LRP5: variants seen among roughly 807,000 people sequenced by gnomAD.
LRP5 encodes LDL receptor related protein 5.
A neutral mutation model predicts 154.1 loss-of-function variants in LRP5; 62 were observed. The observed-to-expected ratio is 0.40, with a 90% CI of 0.33 to 0.50. The LOEUF (loss-of-function observed/expected upper bound fraction) is 0.50. Among genes scored for constraint, LRP5 ranks in the 20% least tolerant of loss-of-function variants. The pLI, the probability that LRP5 is intolerant of heterozygous loss-of-function variation, is 0.55. For missense variants in LRP5, 1,915 were observed against 2,336.7 expected, an observed-to-expected ratio of 0.82 and a Z score of 3.72; for synonymous variants, 966 against 1,011.5, an observed-to-expected ratio of 0.96 and a Z score of 0.85.
At position 68,439,806 on chromosome 11, in the gene LRP5, T is replaced by C. The variant is rs1373088125; in HGVS notation, c.4378T>C (p.Ser1460Pro). 1.9e-6 allele frequency: 3 copies of C among 1,611,746 alleles called. 1 individual carries two copies. The South Asian group carries it at 3.3e-5, about 18-fold the overall frequency. The part of the protein sequence containing the change: ...GIACGKSMMS[S>P]VSLMGGRGGV... ...CGCATGCGGAAAGTCCATGATGAGC[T>C]CCGTGAGCCTGATGGGGGGCCGGGG... Residue 1460 changes from serine to proline, a missense_variant, in exon 21 of 23, where the codon TCC becomes CCC. Transcript: ENST00000294304.
At chr11:68,347,116 C>CAAG (rs2098613713) in intron 1 of LRP5, among the ~76,000 whole-genome samples, 2 of 152,192 alleles carry the variant, frequency 1.3e-5, no homozygotes, top group South Asian at 4.1e-4. Flanking sequence ...GGCCAGAGGC[C>CAAG]AAGGCCTTGG....
At chr11:68,428,000 TTTA>T (rs2098669806) in intron 16 of LRP5, among the ~76,000 whole-genome samples, 2 of 150,946 alleles carry the variant, frequency 1.3e-5, no homozygotes, top group South Asian at 2.1e-4. Flanking sequence ...TATTTATTTA[TTTA>T]TTTATTGAGA....
rs530770391 is a variant in LRP5 at position 68,395,557 on chromosome 11, A to G, written c.1584+5505A>G. ...GGGGTGCCTCACTGCAGGCCTTCTC[A>G]GCGCCCTTTATATGCTTACACAGGC... is the stretch of plus-strand genomic sequence containing the variant. On this transcript the variant is annotated intron_variant, in intron 7 of 22. Transcript: ENST00000294304. 2.0e-5 allele frequency among the ~76,000 whole-genome samples: 3 copies of G among 152,166 alleles called. No individual in the cohort carries two copies. In the South Asian group the frequency reaches 6.2e-4, roughly 32 times the overall value.
intron 2 of LRP5, among the ~76,000 whole-genome samples, chr11:68,349,462 G>C (rs1356311547): frequency 1.3e-5 from 2 of 152,192 alleles, no homozygotes; most frequent in African/African-American, 4.8e-5. Context: ...CGCTCAGGCA[G>C]GTGGAATTTG....
intron 7 of LRP5, among the ~76,000 whole-genome samples, chr11:68,395,674 T>C (rs2098648907): frequency 1.3e-5 from 2 of 152,110 alleles, no homozygotes; most frequent in South Asian, 4.1e-4. Flanking sequence ...GGTGGCGCAC[T>C]CTCTGGGAAG....
chr11:68,327,347 G>A (rs1262725675), intron 1 of LRP5, among the ~76,000 whole-genome samples: 1 of 152,190 alleles, frequency 6.6e-6, no homozygotes, highest in East Asian at 1.9e-4. Context: ...GTCATGAGGG[G>A]ACCCAGTGAA....
At chr11:68,405,099 A>C (rs1276811118) in intron 8 of LRP5, among the ~76,000 whole-genome samples, 4 of 151,714 alleles carry the variant, frequency 2.6e-5, no homozygotes, top group Non-Finnish European at 5.9e-5. Flanking sequence ...TAGAGGTTGT[A>C]GTGAGCCCGT....
At position 68,365,625 on chromosome 11, in the gene LRP5, C is replaced by T; in HGVS notation, c.938C>T (p.Ser313Phe). Reference protein sequence around the residue: ...NGGCSHLCLLSPSEPFYTCAC... With the variant: ...NGGCSHLCLLFPSEPFYTCAC... ...GGCTGCTCCCACCTGTGCCTGCTGT[C>T]CCCAAGCGAGCCTTTCTACACATGC... Residue 313 changes from serine to phenylalanine, a missense_variant, in exon 5 of 23, where the codon TCC becomes TTC. By Grantham distance (155) the Ser-to-Phe change is radical. Coordinates refer to ENST00000294304, the MANE Select transcript of LRP5 (RefSeq NM_002335.4). 6.2e-7 allele frequency: 1 copy of T among 1,613,922 alleles called. No homozygotes were observed. Among genetic ancestry groups the T allele is most frequent in the Non-Finnish European group, 8.5e-7 (1 of 1,179,988 alleles).
chr11:68,409,097 C>CATAT (rs756524976), intron 9 of LRP5, among the ~76,000 whole-genome samples: 2 of 71,586 alleles, frequency 2.8e-5, no homozygotes, highest in African/African-American at 1.4e-4. Flanking sequence ...TATATATATA[C>CATAT]ACACACATAC....
chr11:68,409,344 T>G (rs1192138789), intron 9 of LRP5, among the ~76,000 whole-genome samples: 1 of 145,942 alleles, frequency 6.9e-6, no homozygotes, highest in African/African-American at 2.5e-5. Flanking sequence ...TGTATATTTT[T>G]TAATGTATGA....
chr11:68,356,168 G>T (rs1565341465), intron 2 of LRP5, among the ~76,000 whole-genome samples: 1 of 148,570 alleles, frequency 6.7e-6, no homozygotes, highest in East Asian at 2.0e-4. Context: ...TTTAGGCAGG[G>T]TCTCACTCTG....
intron 1 of LRP5, among the ~76,000 whole-genome samples, chr11:68,337,460 C>T (rs2098606337): frequency 6.6e-6 from 1 of 152,164 alleles, no homozygotes; most frequent in Non-Finnish European, 1.5e-5. Context: ...GCGTAATTGC[C>T]TCTGGGGATC....
chr11:68,373,633 C>A (rs1359607850), intron 5 of LRP5, among the ~76,000 whole-genome samples: 1 of 152,226 alleles, frequency 6.6e-6, no homozygotes, highest in Non-Finnish European at 1.5e-5. Flanking sequence ...CCCCAGCAGT[C>A]GAGTGCAGAG....
At chr11:68,420,086 G>T (rs2098664711) in intron 13 of LRP5, among the ~76,000 whole-genome samples, 1 of 152,098 alleles carries the variant, frequency 6.6e-6, no homozygotes, top group African/African-American at 2.4e-5. Flanking sequence ...ACCGCACCCA[G>T]CCCATTTTAC....
At chr11:68,319,072 G>GTTTTTTTT (rs59893808) in intron 1 of LRP5, among the ~76,000 whole-genome samples, 2 of 92,248 alleles carry the variant, frequency 2.2e-5, no homozygotes, top group East Asian at 3.1e-4. Flanking sequence ...CTGGCTCCTT[G>GTTTTTTTT]TTTTTTTTTT....
rs761292600 is a variant in LRP5 at position 68,448,907 on chromosome 11, A to G, written c.4685A>G (p.Tyr1562Cys). ...GCCAGCCGCTGGAAGGCCAGCAAGT[A>G]CTACCTGGATTTGAACTCGGACTCA... is the stretch of plus-strand genomic sequence containing the variant. ...YSASRWKASK[Y>C]YLDLNSDSDP... Residue 1562 changes from tyrosine (Y) to cysteine (C), a missense_variant, in exon 23 of 23, where the codon TAC becomes TGC. Transcript: ENST00000294304. 19 of 1,613,532 alleles carry G rather than the reference A, an allele frequency of 1.2e-5. No homozygotes were observed. Among genetic ancestry groups the G allele is most frequent in the Admixed American group, 3.3e-5 (2 of 59,984 alleles).
chr11:68,436,922 G>T lies in LRP5; in HGVS notation c.4034G>T (p.Ser1345Ile). 1 of 1,613,894 alleles carries T rather than the reference G, an allele frequency of 6.2e-7. No individual in the cohort carries two copies. Among genetic ancestry groups the T allele is most frequent in the Non-Finnish European group, 8.5e-7 (1 of 1,179,970 alleles). The change falls in exon 19 of 23, where the codon AGC (serine) becomes ATC (isoleucine). Residue 1345 changes from serine to isoleucine, a missense_variant. Ser to Ile is a moderately radical substitution (Grantham distance 142). Transcript: ENST00000294304. Reference protein sequence around the residue: ...ICLPNQFRCASGQCVLIKQQC... With the variant: ...ICLPNQFRCAIGQCVLIKQQC... The stretch of plus-strand genomic sequence containing the variant: ...CTGCCCAACCAGTTCCGGTGTGCGA[G>T]CGGCCAGTGTGTCCTCATCAAACAG...
At chr11:68,323,083 A>G (rs1021012507) in intron 1 of LRP5, among the ~76,000 whole-genome samples, 1 of 152,248 alleles carries the variant, frequency 6.6e-6, no homozygotes, top group African/African-American at 2.4e-5. Context: ...ATAAATGTTT[A>G]TATTAAAAAG....
At chr11:68,399,855 T>G (rs780514242) in intron 7 of LRP5, among the ~76,000 whole-genome samples, 6 of 152,352 alleles carry the variant, frequency 3.9e-5, no homozygotes, top group South Asian at 2.1e-4. Flanking sequence ...GAAGGCCACT[T>G]TGGGATTCCT....
Sources: allele counts gnomAD v4.1 joint callset (sites outside exome capture counted in the v4.1 genomes callset), GRCh38; gene constraint gnomAD v4.1.1; transcripts MANE v1.5; gene names NCBI Gene and HGNC (gene_info 2026-07-23, HGNC 2026-07-21).